Variants in PCDHA11 observed in about 807,000 individuals in gnomAD.
PCDHA11 encodes protocadherin alpha 11.
Under a neutral mutation model 70.3 loss-of-function variants are expected in PCDHA11, and 61 were observed. That is an observed-to-expected ratio of 0.87 (90% CI 0.71 to 1.07). PCDHA11 has a LOEUF of 1.07. Ranked by LOEUF, PCDHA11 falls within the 50% of genes least tolerant of loss-of-function variation. The probability of loss-of-function intolerance (pLI) is 0.00; values close to 1 mark genes in which losing one functional copy is unlikely to be tolerated. For missense variants in PCDHA11, 1,324 were observed against 1,237.5 expected (o/e 1.07, Z -1.05); for synonymous variants, 633 against 555.1 (o/e 1.14, Z -1.97).
intron 1 of PCDHA11, chr5:140,878,061 AT>A (rs2057460632): frequency 2.4e-6 from 1 of 424,416 alleles, no homozygotes; most frequent in Non-Finnish European, 3.8e-6. Context: ...CACACTTAAT[AT>A]TTTTCTTTTT....
chr5:141,005,142 T>C (rs1554259898), intron 3 of PCDHA11, among the ~76,000 whole-genome samples: 1 of 152,234 alleles, frequency 6.6e-6, no homozygotes, highest in African/African-American at 2.4e-5. Flanking sequence ...ATTGGAGAGT[T>C]GTTTGGTCTG....
chr5:140,992,393 A>G (rs2097508684), intron 3 of PCDHA11, among the ~76,000 whole-genome samples: 1 of 152,180 alleles, frequency 6.6e-6, no homozygotes, highest in African/African-American at 2.4e-5. Context: ...TTCTGGACTT[A>G]GAGATATTGT....
chr5:140,928,944 A>G (rs782627710), intron 1 of PCDHA11: 1 of 1,614,070 alleles, frequency 6.2e-7, no homozygotes, highest in South Asian at 1.1e-5. Context: ...ACTTGTATTT[A>G]GTAATTGCCT....
At chr5:140,951,685 T>C (rs1305310211) in intron 1 of PCDHA11, among the ~76,000 whole-genome samples, 4 of 152,140 alleles carry the variant, frequency 2.6e-5, no homozygotes, top group African/African-American at 9.7e-5. Flanking sequence ...GGGATTACAA[T>C]GTGACATGAG....
chr5:140,891,742 A>T (rs2063228656), intron 1 of PCDHA11, among the ~76,000 whole-genome samples: 1 of 152,150 alleles, frequency 6.6e-6, no homozygotes, highest in African/African-American at 2.4e-5. Context: ...TCAATCCCTT[A>T]TACAACAGTG....
At chr5:140,886,515 G>C (rs1554182564) in intron 1 of PCDHA11, among the ~76,000 whole-genome samples, 1 of 151,972 alleles carries the variant, frequency 6.6e-6, no homozygotes, top group East Asian at 1.9e-4. Context: ...TGGATTTTAA[G>C]GTCTGCATAT....
intron 1 of PCDHA11, chr5:140,929,284 A>G: frequency 6.2e-7 from 1 of 1,600,764 alleles, no homozygotes; most frequent in Non-Finnish European, 8.5e-7. Flanking sequence ...CTGTATTCAG[A>G]TTCGGAATAG....
At chr5:140,898,323 G>A (rs2066657733) in intron 1 of PCDHA11, among the ~76,000 whole-genome samples, 1 of 152,132 alleles carries the variant, frequency 6.6e-6, no homozygotes, top group Admixed American at 6.5e-5. Context: ...ATGGTTTTGG[G>A]TCTAACGTTT....
intron 1 of PCDHA11, chr5:140,966,588 G>A: frequency 3.6e-6 from 2 of 558,362 alleles, no homozygotes; most frequent in Non-Finnish European, 5.7e-6. Flanking sequence ...GAGGACGGTG[G>A]GGCCAGGAGC....
chr5:140,883,731 C>A, intron 1 of PCDHA11: 1 of 1,613,446 alleles, frequency 6.2e-7, no homozygotes, highest in Non-Finnish European at 8.5e-7. Flanking sequence ...CAGGAGAACG[C>A]GCTGGTCTCC....
chr5:140,892,580 A>C (rs1462175198), intron 1 of PCDHA11, among the ~76,000 whole-genome samples: 2 of 152,198 alleles, frequency 1.3e-5, no homozygotes, highest in Admixed American at 1.3e-4. Context: ...AGTATATCTC[A>C]GTATTCATTC....
chr5:140,974,720 C>T (rs1554236283), intron 1 of PCDHA11, among the ~76,000 whole-genome samples: 1 of 152,070 alleles, frequency 6.6e-6, no homozygotes, highest in African/African-American at 2.4e-5. Context: ...AAGCTGCTCT[C>T]GAACTCCTGT....
intron 1 of PCDHA11, among the ~76,000 whole-genome samples, chr5:140,896,330 A>C (rs1435351695): frequency 1.3e-5 from 2 of 152,170 alleles, no homozygotes. Flanking sequence ...CAGTGGCTAA[A>C]CTAATTTATA....
intron 1 of PCDHA11, among the ~76,000 whole-genome samples, chr5:140,925,578 A>G (rs1378824182): frequency 6.6e-6 from 1 of 151,838 alleles, no homozygotes; most frequent in African/African-American, 2.4e-5. Flanking sequence ...GCACACCAAC[A>G]TGGCGCATGT....
intron 1 of PCDHA11, among the ~76,000 whole-genome samples, chr5:140,898,250 A>T (rs2066615127): frequency 6.6e-6 from 1 of 152,210 alleles, no homozygotes; most frequent in South Asian, 2.1e-4. Flanking sequence ...TGTTTTAGAC[A>T]TGAAGTCCTT....
chr5:140,882,346 G>A (rs146510190), intron 1 of PCDHA11: 86 of 1,614,078 alleles, frequency 5.3e-5, no homozygotes, highest in African/African-American at 9.3e-5. Flanking sequence ...CCTGGGAGAC[G>A]GGTAGTGGCC....
At chr5:140,875,891 TA>T (rs2055921027) in intron 1 of PCDHA11, 3 of 1,614,128 alleles carry the variant, frequency 1.9e-6, no homozygotes, top group Middle Eastern at 3.3e-4. Flanking sequence ...GAACAAAAGG[TA>T]CCTGTTTCTG....
chr5:140,934,262 TAATC>T (rs1554209807), intron 1 of PCDHA11, among the ~76,000 whole-genome samples: 1 of 152,136 alleles, frequency 6.6e-6, no homozygotes, highest in Non-Finnish European at 1.5e-5. Flanking sequence ...AAATTAATAA[TAATC>T]AGTGCTTCAT....
chr5:140,869,323 C>T lies in PCDHA11; in HGVS notation c.220C>T (p.Leu74Phe). The change falls in exon 1 of 4, where the codon CTT (leucine) becomes TTT (phenylalanine). Residue 74 changes from leucine (L) to phenylalanine (F), a missense_variant. Coordinates refer to ENST00000398640, the MANE Select transcript of PCDHA11 (RefSeq NM_018902.5). ...GGTGGCGTCCAAAACACATGGGGAC[C>T]TTCTGGAGGTAAATCTGCAGAATGG... is the stretch of plus-strand genomic sequence containing the variant. ...FRVASKTHGDLLEVNLQNGIL... is the reference protein window; with the variant it reads ...FRVASKTHGDFLEVNLQNGIL... 1 of 1,613,864 alleles carries T rather than the reference C, an allele frequency of 6.2e-7. No homozygotes were observed. The highest frequency in any genetic ancestry group is 1.1e-5 in the South Asian group (1 of 91,068).
Sources: gnomAD v4.1 joint callset for allele counts (sites outside exome capture counted in the v4.1 genomes callset) on GRCh38, gnomAD v4.1.1 for gene constraint, MANE v1.5 for transcripts, NCBI Gene and HGNC (gene_info 2026-07-23, HGNC 2026-07-21) for gene names.